Variants in ADGRL3 observed in about 807,000 individuals in gnomAD.
The protein encoded by ADGRL3 is adhesion G protein-coupled receptor L3, also known as calcium-independent alpha-latrotoxin receptor 3.
In ADGRL3, 62 loss-of-function variants were observed where a neutral mutation model predicts 153.5. The observed-to-expected ratio is 0.40, with a 90% CI of 0.33 to 0.50. ADGRL3 has a LOEUF of 0.50. Among genes scored for constraint, ADGRL3 ranks in the 20% least tolerant of loss-of-function variants. The pLI is 0.47. For synonymous variants in ADGRL3, 710 were observed against 672.5 expected (o/e 1.06, Z -0.86); for missense variants, 1,641 against 1,859.4 (o/e 0.88, Z 2.16).
intron 25 of ADGRL3, among the ~76,000 whole-genome samples, chr4:62,053,358 T>C (rs1735260891): frequency 6.6e-6 from 1 of 151,614 alleles, no homozygotes. Context: ...TAGCACTTTA[T>C]ATAGCTCAGC....
intron 2 of ADGRL3, among the ~76,000 whole-genome samples, chr4:61,475,063 G>A (rs974928588): frequency 5.3e-5 from 8 of 152,062 alleles, no homozygotes; most frequent in East Asian, 1.9e-4. Context: ...ATTTTAGAAC[G>A]GGGAGGAAAA....
chr4:61,862,066 G>T (rs1342104884), intron 9 of ADGRL3, among the ~76,000 whole-genome samples: 1 of 152,156 alleles, frequency 6.6e-6, no homozygotes, highest in African/African-American at 2.4e-5. Flanking sequence ...CTGGCACAAG[G>T]CTGTCATTAA....
chr4:61,736,644 C>T (rs546716330), intron 8 of ADGRL3, among the ~76,000 whole-genome samples: 4 of 152,020 alleles, frequency 2.6e-5, no homozygotes, highest in Non-Finnish European at 4.4e-5. Context: ...AGTGACAGAG[C>T]GAGACTCCAT....
At chr4:61,768,016 C>T (rs550589803) in intron 8 of ADGRL3, among the ~76,000 whole-genome samples, 2 of 152,132 alleles carry the variant, frequency 1.3e-5, no homozygotes, top group East Asian at 3.9e-4. Context: ...AATAAGACGG[C>T]CTTTTGACCT....
At chr4:62,025,722 G>A (rs1208867846) in intron 21 of ADGRL3, among the ~76,000 whole-genome samples, 9 of 152,180 alleles carry the variant, frequency 5.9e-5, no homozygotes, top group Middle Eastern at 3.4e-3. Context: ...AAATGATAAG[G>A]TAAACCTATA....
intron 26 of ADGRL3, 40 bp from the exon 27 acceptor site, chr4:62,070,068 TG>T: frequency 2.0e-6 from 3 of 1,521,492 alleles, no homozygotes; most frequent in Non-Finnish European, 2.7e-6. Context: ...TTCTATGGCT[TG>T]TTGGATATAA....
intron 5 of ADGRL3, among the ~76,000 whole-genome samples, chr4:61,602,124 C>T (rs1424095581): frequency 7.3e-5 from 11 of 151,450 alleles, no homozygotes. Flanking sequence ...TGTCTTATAT[C>T]TGCCAACCCT....
At chr4:61,307,105 C>T (rs751343273) in intron 1 of ADGRL3, among the ~76,000 whole-genome samples, 85 of 152,150 alleles carry the variant, frequency 5.6e-4, no homozygotes, top group Non-Finnish European at 9.1e-4. Flanking sequence ...GGAATTGAGG[C>T]GCATAATAAA....
chr4:61,685,220 A>AT (rs1274992729), intron 6 of ADGRL3, among the ~76,000 whole-genome samples: 1 of 151,882 alleles, frequency 6.6e-6, no homozygotes, highest in Admixed American at 6.6e-5. Flanking sequence ...CACCTGGCCC[A>AT]TTTTTTTCTT....
intron 21 of ADGRL3, among the ~76,000 whole-genome samples, chr4:62,016,159 C>A (rs564165573): frequency 6.6e-6 from 1 of 152,018 alleles, no homozygotes; most frequent in African/African-American, 2.4e-5. Flanking sequence ...AGCGATTCTC[C>A]TGCCTCAGCC....
At chr4:61,473,362 C>G (rs2097993860) in intron 2 of ADGRL3, among the ~76,000 whole-genome samples, 4 of 151,746 alleles carry the variant, frequency 2.6e-5, no homozygotes. Context: ...TACACAGTGC[C>G]TAGAACAAAC....
chr4:61,232,178 A>G (rs892674246), intron 1 of ADGRL3, among the ~76,000 whole-genome samples: 8 of 152,232 alleles, frequency 5.3e-5, no homozygotes, highest in Admixed American at 2.6e-4. Flanking sequence ...AAATGATCAA[A>G]TTTTTAAGCT....
rs370370786 is a variant in ADGRL3, at chr4:61,929,885, G to T, written c.2113-4955G>T. Among the ~76,000 whole-genome samples, 10 of 152,210 alleles carry T rather than the reference G, an allele frequency of 6.6e-5. No individual in the cohort carries two copies. In the South Asian group the frequency reaches 2.1e-3, roughly 32 times the overall value. On this transcript the variant is annotated intron_variant, in intron 13 of 26. Transcript: ENST00000683033. ...GAATGAGCTAGTGACTTAAAAACTTGTCTGCAAGGTCAGACACAGTGGCTC... is the reference window on the plus strand; with the variant it reads ...GAATGAGCTAGTGACTTAAAAACTTTTCTGCAAGGTCAGACACAGTGGCTC...
chr4:61,464,041 A>G (rs1406540248), intron 2 of ADGRL3, among the ~76,000 whole-genome samples: 1 of 152,196 alleles, frequency 6.6e-6, no homozygotes, highest in Non-Finnish European at 1.5e-5. Context: ...TACTTAACAC[A>G]TGAAAGCAGC....
intron 1 of ADGRL3, among the ~76,000 whole-genome samples, chr4:61,314,853 G>A (rs1374413418): frequency 1.3e-5 from 2 of 152,136 alleles, no homozygotes; most frequent in Non-Finnish European, 2.9e-5. Flanking sequence ...CCACTCCCAA[G>A]TGTCAATAGT....
At chr4:61,716,309 A>C (rs1417881410) in intron 6 of ADGRL3, among the ~76,000 whole-genome samples, 1 of 152,154 alleles carries the variant, frequency 6.6e-6, no homozygotes, top group Non-Finnish European at 1.5e-5. Context: ...AGTACATATC[A>C]GAAATATAGA....
chr4:61,843,975 G>A (rs908965537), intron 9 of ADGRL3, among the ~76,000 whole-genome samples: 1 of 148,690 alleles, frequency 6.7e-6, no homozygotes, highest in Non-Finnish European at 1.5e-5. Context: ...GAGCTGAGAT[G>A]ATGCCATTGC....
At position 61,663,462 on chromosome 4, in the gene ADGRL3, A is replaced by C. The variant is rs1580161257; in HGVS notation, c.474-13364A>C. Reference sequence around the variant, plus strand: ...TGCCCAAAGGTGCCTACCCCACCGCAGCCGGTGTGCCTGGTGGTGTGCAGC... The same window carrying C: ...TGCCCAAAGGTGCCTACCCCACCGCCGCCGGTGTGCCTGGTGGTGTGCAGC... On this transcript the variant is annotated intron_variant, in intron 5 of 26. Coordinates refer to ENST00000683033, the MANE Select transcript of ADGRL3 (RefSeq NM_001387552.1). Among the ~76,000 whole-genome samples, 4 of 152,316 alleles carry C rather than the reference A, an allele frequency of 2.6e-5. No individual in the cohort carries two copies. In the South Asian group the frequency reaches 8.3e-4, roughly 32 times the overall value.
At chr4:61,285,308 A>T (rs1560425774) in intron 1 of ADGRL3, among the ~76,000 whole-genome samples, 1 of 151,856 alleles carries the variant, frequency 6.6e-6, no homozygotes, top group Non-Finnish European at 1.5e-5. Context: ...GAGGGCAGAT[A>T]TATATGGTTT....
Sources: gnomAD v4.1 joint callset for allele counts (sites outside exome capture counted in the v4.1 genomes callset) on GRCh38, gnomAD v4.1.1 for gene constraint, MANE v1.5 for transcripts, NCBI Gene and HGNC (gene_info 2026-07-23, HGNC 2026-07-21) for gene names.